GNAO1: variants seen among roughly 807,000 people sequenced by gnomAD.
GNAO1 encodes G protein subunit alpha o1.
For synonymous variants in GNAO1, 164 were observed against 180.7 expected, an observed-to-expected ratio of 0.91 and a Z score of 0.74; for missense variants, 166 against 478.7, an observed-to-expected ratio of 0.35 and a Z score of 6.10.
At chr16:56,296,524 C>T (rs757696041) in intron 3 of GNAO1, among the ~76,000 whole-genome samples, 16 of 152,088 alleles carry the variant, frequency 1.1e-4, no homozygotes, top group East Asian at 1.9e-4. Flanking sequence ...GGATCTTAAG[C>T]GGCGTGTCTG....
intron 2 of GNAO1, among the ~76,000 whole-genome samples, chr16:56,196,056 T>A (rs1596790678): frequency 6.6e-6 from 1 of 152,134 alleles, no homozygotes; most frequent in East Asian, 1.9e-4. Flanking sequence ...GCTTAAGAGA[T>A]ACCAGTTTAG....
intron 6 of GNAO1, chr16:56,343,740 C>T (rs772400769): frequency 1.2e-6 from 2 of 1,600,602 alleles, no homozygotes; most frequent in South Asian, 2.2e-5. Flanking sequence ...CGCCTCACCA[C>T]ACCTTGCCTG....
chr16:56,192,630 G>T lies in GNAO1; in HGVS notation c.161+14G>T, dbSNP rs565871524. On this transcript the variant is annotated intron_variant, in intron 2 of 8. Transcript: ENST00000262493. ...GAAGCAGATGAAGTAAGTCCCTGTGGCATTGGGATTCGTACTTTTATTAAG... is the reference window on the plus strand; with the variant it reads ...GAAGCAGATGAAGTAAGTCCCTGTGTCATTGGGATTCGTACTTTTATTAAG... 5.4e-5 allele frequency: 81 copies of T among 1,512,168 alleles called. No homozygotes were observed. Among genetic ancestry groups the T allele is most frequent in the Non-Finnish European group, 7.3e-5 (79 of 1,087,404 alleles). The allele number at this position is 1,512,168 out of a possible 1,614,324, so 93.7% of individuals were successfully genotyped here.
rs1596884387 is a variant in GNAO1, at chr16:56,356,418, A to T, written c.*344A>T. ...CTGCACCGACGCCTGCCCCCGTCCC[A>T]CCTCGCGGCGCAGCCCCTGGAGCTC... On this transcript the variant is annotated 3_prime_UTR_variant, in exon 9 of 9. Transcript: ENST00000262493. The T allele has an allele frequency of 6.6e-6, 1 of 152,424 alleles. No individual in the cohort carries two copies. Among genetic ancestry groups the T allele is most frequent in the African/African-American group, 2.4e-5 (1 of 41,412 alleles). 9.4% of individuals were successfully genotyped at this position (152,424 alleles called of 1,614,324 possible).
chr16:56,284,336 C>T (rs1382603599), intron 3 of GNAO1, among the ~76,000 whole-genome samples: 1 of 152,174 alleles, frequency 6.6e-6, no homozygotes, highest in African/African-American at 2.4e-5. Context: ...TGATCCAAGG[C>T]TGGATCGGGC....
Position 56,343,785 on chromosome 16 carries a change from C to T in GNAO1, c.723+6925C>T, listed in dbSNP as rs376160640. ...CAGGCCCCAGCGCCTTCACAGAAGC[C>T]GTGGCTTACATCCAGGCCCAGTACG... is the stretch of plus-strand genomic sequence containing the variant. On this transcript the variant is annotated intron_variant, in intron 6 of 8. Coordinates refer to ENST00000262493, the MANE Select transcript of GNAO1 (RefSeq NM_020988.3). The T allele has an allele frequency of 6.5e-5, 105 of 1,613,436 alleles. No homozygotes were observed. The highest frequency in any genetic ancestry group is 1.6e-4 in the Middle Eastern group (1 of 6,082).
Position 56,269,659 on chromosome 16 carries a change from C to T in GNAO1, c.162-6272C>T, listed in dbSNP as rs150138794. ...TAAAGGGATTGTGATGGAGGAGGAG[C>T]GGCAGTCCAGTCCCAGGGCAGGAGC... is the stretch of plus-strand genomic sequence containing the variant. On this transcript the variant is annotated intron_variant, in intron 2 of 8. Coordinates refer to ENST00000262493, the MANE Select transcript of GNAO1 (RefSeq NM_020988.3). Among the ~76,000 whole-genome samples the T allele has an allele frequency of 1.3e-3, 199 of 152,230 alleles. No homozygotes were observed. In the East Asian group the frequency reaches 0.024, roughly 18 times the overall value.
chr16:56,255,629 G>A (rs1173761759), intron 2 of GNAO1: 1 of 152,034 alleles, frequency 6.6e-6, no homozygotes, highest in African/African-American at 2.4e-5. Flanking sequence ...CGTCCTTCCT[G>A]GAACTGTGTG....
chr16:56,346,736 C>T, intron 6 of GNAO1: 1 of 985,716 alleles, frequency 1.0e-6, no homozygotes, highest in Non-Finnish European at 1.2e-6. Flanking sequence ...GCCCTCCCCA[C>T]AGCCCAGCTC....
At chr16:56,257,654 T>C (rs912794101) in intron 2 of GNAO1, among the ~76,000 whole-genome samples, 6 of 152,208 alleles carry the variant, frequency 3.9e-5, no homozygotes, top group African/African-American at 1.4e-4. Flanking sequence ...ACTGGACCTG[T>C]CAAATTTCTG....
chr16:56,255,685 A>G (rs1053496416), intron 2 of GNAO1: 9 of 151,814 alleles, frequency 5.9e-5, no homozygotes, highest in African/African-American at 1.9e-4. Flanking sequence ...GTTCAGGGCA[A>G]TTGTCTTCTG....
rs149996949 is a variant in GNAO1 at position 56,297,159 on chromosome 16, A to G, written c.303+21087A>G. Among the ~76,000 whole-genome samples, 289 of 151,964 alleles carry G rather than the reference A, an allele frequency of 1.9e-3. 6 individuals carry two copies. Among genetic ancestry groups the G allele is most frequent in the Non-Finnish European group, 7.4e-4 (50 of 67,948 alleles). Reference sequence around the variant, plus strand: ...CTGTACCCAGGGTGGGGTCAGATAAACTCCACCTGCCTCCCAGCTTGCTTG... The same window carrying G: ...CTGTACCCAGGGTGGGGTCAGATAAGCTCCACCTGCCTCCCAGCTTGCTTG... On this transcript the variant is annotated intron_variant, in intron 3 of 8. Transcript: ENST00000262493.
chr16:56,278,377 C>T (rs113629293), intron 3 of GNAO1, among the ~76,000 whole-genome samples: 31 of 152,242 alleles, frequency 2.0e-4, no homozygotes, highest in African/African-American at 7.2e-4. Context: ...TGTATTCTTA[C>T]ACCTGTGAGG....
chr16:56,282,861 A>G (rs1228174814), intron 3 of GNAO1, among the ~76,000 whole-genome samples: 1 of 152,242 alleles, frequency 6.6e-6, no homozygotes, highest in Non-Finnish European at 1.5e-5. Context: ...GCCTTTGTCT[A>G]AAACCTTGGG....
At chr16:56,193,039 T>C (rs771957428) in intron 2 of GNAO1, 5 of 169,180 alleles carry the variant, frequency 3.0e-5, no homozygotes, top group African/African-American at 4.8e-5. Flanking sequence ...TCCCCCAAGG[T>C]CCGTAATCCC....
chr16:56,344,053 A>G (rs1596877772), intron 6 of GNAO1: 4 of 1,525,696 alleles, frequency 2.6e-6, no homozygotes, highest in South Asian at 1.3e-5. Flanking sequence ...CACTTGAGGA[A>G]GAAGACCTCA....
At chr16:56,242,937 C>T (rs1356781385) in intron 2 of GNAO1, among the ~76,000 whole-genome samples, 9 of 152,076 alleles carry the variant, frequency 5.9e-5, no homozygotes, top group Non-Finnish European at 8.8e-5. Flanking sequence ...TATTTACAGC[C>T]GCTCCCTATC....
intron 2 of GNAO1, among the ~76,000 whole-genome samples, chr16:56,233,196 G>A (rs2036606896): frequency 2.6e-5 from 4 of 152,170 alleles, no homozygotes; most frequent in Admixed American, 2.6e-4. Context: ...TTTAGAATGG[G>A]GTCCGATACA....
chr16:56,273,080 AAAT>A (rs2037032683), intron 2 of GNAO1, among the ~76,000 whole-genome samples: 1 of 152,230 alleles, frequency 6.6e-6, no homozygotes, highest in Non-Finnish European at 1.5e-5. Flanking sequence ...CTTTACTTTC[AAAT>A]AATATTATAT....
Sources: gnomAD v4.1 joint callset for allele counts (sites outside exome capture counted in the v4.1 genomes callset) on GRCh38, gnomAD v4.1.1 for gene constraint, MANE v1.5 for transcripts, NCBI Gene and HGNC (gene_info 2026-07-23, HGNC 2026-07-21) for gene names.